CBLIF: variants seen among roughly 807,000 people sequenced by gnomAD.
CBLIF encodes the protein cobalamin binding intrinsic factor, also known as gastric intrinsic factor (vitamin B synthesis).
CBLIF carries 24 observed loss-of-function variants against 44.9 expected under a neutral mutation model. The observed-to-expected ratio is 0.53, with a 90% CI of 0.39 to 0.75. CBLIF has a LOEUF of 0.75. Among genes scored for constraint, CBLIF ranks in the 30% least tolerant of loss-of-function variants. The probability of loss-of-function intolerance (pLI) is 0.00; values close to 1 mark genes in which losing one functional copy is unlikely to be tolerated. For missense variants in CBLIF, 481 were observed against 513.0 expected (o/e 0.94, Z 0.60); for synonymous variants, 183 against 190.9 (o/e 0.96, Z 0.34).
In CBLIF at chr11:59,842,907, G is replaced by C. The variant is rs1866556439; in HGVS notation, c.370+121C>G. On this transcript the variant is annotated intron_variant, in intron 3 of 8. Coordinates refer to ENST00000257248, the MANE Select transcript of CBLIF (RefSeq NM_005142.3). ...GATTATCAGAAGGACCAGAGTGAAG[G>C]ATACATTGTCTCTTCCCTAACTTGC... The C allele has an allele frequency of 4.1e-6, 3 of 724,412 alleles. No individual in the cohort carries two copies. In the South Asian group the frequency reaches 4.5e-5, roughly 11 times the overall value. The allele number at this position is 724,412 out of a possible 1,614,324, so 44.9% of individuals were successfully genotyped here.
At position 59,829,489 on chromosome 11, in the gene CBLIF, A is replaced by G; in HGVS notation, c.1249T>C (p.Tyr417His). ...HEHITANFTQ[Y>H] ...AAGCTGAACCCACCTCTTCGTTAGT[A>G]CTGTGTGAAATTGGCTGTGATGTGC... The change falls in exon 9 of 9, where the codon TAC becomes CAC. Residue 417 changes from tyrosine to histidine, a missense_variant. Transcript: ENST00000257248. 3.7e-6 allele frequency: 6 copies of G among 1,602,934 alleles called. No individual in the cohort carries two copies. Among genetic ancestry groups the G allele is most frequent in the Non-Finnish European group, 4.3e-6 (5 of 1,169,788 alleles).
chr11:59,842,904 A>G, intron 3 of CBLIF, 124 bp downstream of exon 3: 2 of 721,638 alleles, frequency 2.8e-6, no homozygotes, highest in Non-Finnish European at 5.1e-6. Context: ...GACCAGAGTG[A>G]AGGATACATT....
intron 4 of CBLIF, 134 bp from the exon 5 acceptor site, chr11:59,841,458 C>T: frequency 1.4e-6 from 1 of 716,710 alleles, no homozygotes; most frequent in Non-Finnish European, 2.5e-6. Flanking sequence ...TGAAACAGTA[C>T]CTGTAATCAT....
intron 7 of CBLIF, 143 bp from the exon 8 acceptor site, chr11:59,831,939 G>A: frequency 1.5e-6 from 1 of 661,772 alleles, no homozygotes. Flanking sequence ...CAGGCTAGTG[G>A]TGAGATCCTA....
chr11:59,834,255 T>TCTTG (rs1866415050), intron 7 of CBLIF, among the ~76,000 whole-genome samples: 2 of 99,080 alleles, frequency 2.0e-5, no homozygotes, highest in Non-Finnish European at 4.1e-5. Context: ...TTTCTTTCTT[T>TCTTG]CTTTCTTTCT....
chr11:59,835,774 T>C (rs1292433512), intron 7 of CBLIF, 34 bp downstream of exon 7: 34 of 1,498,928 alleles, frequency 2.3e-5, no homozygotes, highest in Non-Finnish European at 3.2e-5. Context: ...GATCAGGCCT[T>C]GAGAGAATGA....
intron 1 of CBLIF, 58 bp downstream of exon 1, chr11:59,845,317 C>T (rs778489431): frequency 6.2e-7 from 1 of 1,606,712 alleles, no homozygotes. Context: ...TCAGAGGTCA[C>T]AGCCCCTTCC....
Position 59,835,907 on chromosome 11 carries a change from A to G in CBLIF, c.974T>C (p.Val325Ala). 1.2e-6 allele frequency: 2 copies of G among 1,613,564 alleles called. No homozygotes were observed. The highest frequency in any genetic ancestry group is 1.7e-6 in the Non-Finnish European group (2 of 1,179,812). ...GATGGTCTCGTTGAAGAGCAGCTCA[A>G]CCCCCCTCAGCTGGTTATTTATGGT... is the stretch of plus-strand genomic sequence containing the variant. ...IYTINNQLRG[V>A]ELLFNETINV... Residue 325 changes from valine to alanine, a missense_variant, in exon 7 of 9, where the codon GTT becomes GCT. Val to Ala is a moderately conservative substitution (Grantham distance 64). Transcript: ENST00000257248.
At chr11:59,839,984 T>C (rs77676223) in intron 5 of CBLIF, among the ~76,000 whole-genome samples, 15,994 of 152,114 alleles carry the variant, frequency 0.11, 1,453 homozygotes, top group African/African-American at 0.24. Flanking sequence ...ACTGGGAATG[T>C]TCTTGTAAAA....
intron 7 of CBLIF, among the ~76,000 whole-genome samples, chr11:59,834,072 T>C (rs1022256222): frequency 5.9e-5 from 9 of 152,170 alleles, no homozygotes; most frequent in African/African-American, 9.7e-5. Context: ...ATATGTCTTA[T>C]GGTTTTATTG....
At chr11:59,832,933 G>A (rs934809493) in intron 7 of CBLIF, among the ~76,000 whole-genome samples, 4 of 151,998 alleles carry the variant, frequency 2.6e-5, no homozygotes, top group Non-Finnish European at 4.4e-5. Context: ...ATGCAATAAC[G>A]TTAAGTGAAA....
At chr11:59,843,348 A>C (rs1009478375) in intron 2 of CBLIF, among the ~76,000 whole-genome samples, 1 of 152,064 alleles carries the variant, frequency 6.6e-6, no homozygotes, top group African/African-American at 2.4e-5. Flanking sequence ...TAACTTGATG[A>C]CTCTAGTATT....
chr11:59,838,889 C>A (rs957225542), intron 5 of CBLIF, among the ~76,000 whole-genome samples: 2 of 142,928 alleles, frequency 1.4e-5, no homozygotes, highest in African/African-American at 5.2e-5. Context: ...CGCTGTGATG[C>A]CCAGGCTGGA....
intron 5 of CBLIF, 85 bp downstream of exon 5, chr11:59,841,058 G>A (rs1158720355): frequency 5.2e-6 from 5 of 963,840 alleles, no homozygotes; most frequent in East Asian, 4.8e-5. Context: ...CTTTCACAGA[G>A]ATGTTAGTAG....
chr11:59,835,718 A>G (rs918224716), intron 7 of CBLIF, 90 bp downstream of exon 7: 3 of 1,071,546 alleles, frequency 2.8e-6, no homozygotes, highest in Non-Finnish European at 4.4e-6. Context: ...CTGTTATCAA[A>G]AGGAAAAAAA....
At chr11:59,843,224 T>G (rs983035391) in intron 2 of CBLIF, 83 bp from the exon 3 acceptor site, 1 of 811,148 alleles carries the variant, frequency 1.2e-6, no homozygotes, top group Non-Finnish European at 2.2e-6. Flanking sequence ...TTCTCTGCTT[T>G]TTATCTAGAG....
intron 1 of CBLIF, 99 bp downstream of exon 1, chr11:59,845,276 T>C (rs1158997239): frequency 6.4e-7 from 1 of 1,560,576 alleles, no homozygotes; most frequent in Non-Finnish European, 8.8e-7. Flanking sequence ...TTGGAATTCC[T>C]ATAGTGATTG....
intron 5 of CBLIF, among the ~76,000 whole-genome samples, chr11:59,838,136 C>T (rs746561965): frequency 3.3e-5 from 5 of 152,094 alleles, no homozygotes; most frequent in Non-Finnish European, 7.4e-5. Flanking sequence ...CCCTAGACTT[C>T]CCAGTGTATG....
chr11:59,834,488 G>C (rs572275656), intron 7 of CBLIF, among the ~76,000 whole-genome samples: 57 of 149,604 alleles, frequency 3.8e-4, no homozygotes, highest in Admixed American at 2.1e-3. Flanking sequence ...CACCTCCCAG[G>C]CTCAAGCAAT....
Sources: allele counts gnomAD v4.1 joint callset (sites outside exome capture counted in the v4.1 genomes callset), GRCh38; gene constraint gnomAD v4.1.1; transcripts MANE v1.5; gene names NCBI Gene and HGNC (gene_info 2026-07-23, HGNC 2026-07-21).